Variants in DMD observed in about 807,000 individuals in gnomAD.
The protein encoded by DMD is mutant dystrophin.
Under a neutral mutation model 330.1 loss-of-function variants are expected in DMD, and 63 were observed. That is an observed-to-expected ratio of 0.19 (90% CI 0.16 to 0.24). DMD has a LOEUF of 0.24. Among genes scored for constraint, DMD ranks in the 10% least tolerant of loss-of-function variants. The pLI is 1.00. For missense variants in DMD, 3,344 were observed against 2,684.1 expected, an observed-to-expected ratio of 1.25 and a Z score of -5.43; for synonymous variants, 1,223 against 959.8, an observed-to-expected ratio of 1.27 and a Z score of -5.07.
chrX:31,551,824 T>G (rs1239348696), intron 55 of DMD, among the ~76,000 whole-genome samples: 1 of 112,191 alleles, frequency 8.9e-6, no homozygotes, highest in Non-Finnish European at 1.9e-5. Flanking sequence ...CTGTACTCAC[T>G]TGCATTTGCA....
intron 60 of DMD, among the ~76,000 whole-genome samples, chrX:31,363,630 G>A (rs1019999437): frequency 9.0e-6 from 1 of 111,086 alleles, no homozygotes; most frequent in Non-Finnish European, 1.9e-5. Context: ...CGCCCACCTC[G>A]GCCTCCCAAA....
chrX:32,522,570 G>A (rs1018382343), intron 17 of DMD, among the ~76,000 whole-genome samples: 3 of 111,627 alleles, frequency 2.7e-5, no homozygotes, highest in Non-Finnish European at 3.8e-5. Flanking sequence ...ACCTTCATTC[G>A]TAAAACCACT....
chrX:32,897,346 TA>T (rs1237808955), intron 2 of DMD, among the ~76,000 whole-genome samples: 1 of 110,595 alleles, frequency 9.0e-6, no homozygotes, highest in African/African-American at 3.3e-5. Context: ...AAAGGGGAAA[TA>T]TAAGGAGGAG....
intron 61 of DMD, among the ~76,000 whole-genome samples, chrX:31,344,674 C>T (rs1471719187): frequency 9.1e-6 from 1 of 110,267 alleles, no homozygotes; most frequent in Non-Finnish European, 1.9e-5. Context: ...CATAGTGAAA[C>T]CCCGTCTCTA....
At chrX:33,255,607 C>T (rs1231460236) in intron 1 of DMD, among the ~76,000 whole-genome samples, 1 of 110,784 alleles carries the variant, frequency 9.0e-6, no homozygotes, top group African/African-American at 3.3e-5. Flanking sequence ...GATTTTGATG[C>T]TTCAATAACT....
intron 7 of DMD, among the ~76,000 whole-genome samples, chrX:32,719,103 T>C (rs1416722748): frequency 8.9e-6 from 1 of 111,867 alleles, no homozygotes; most frequent in African/African-American, 3.2e-5. Context: ...TAACTGGACA[T>C]AGTTGGAAAT....
intron 2 of DMD, among the ~76,000 whole-genome samples, chrX:33,013,057 A>G (rs898974478): frequency 1.8e-5 from 2 of 110,756 alleles, no homozygotes; most frequent in Non-Finnish European, 3.8e-5. Flanking sequence ...CCTGCTTCTC[A>G]TAGGACTTAT....
rs181780101 is a variant in DMD at position 32,744,966 on chromosome X, C to T, written c.650-45673G>A. ...ATTATGAGTCAAATTTTCCAGACCA[C>T]TGTAGACACAATCTTACACTTCACT... On this transcript the variant is annotated intron_variant, in intron 7 of 78. Transcript: ENST00000357033. 1.2e-3 allele frequency among the ~76,000 whole-genome samples: 135 copies of T among 111,541 alleles called. 1 individual carries two copies. Among genetic ancestry groups the T allele is most frequent in the African/African-American group, 4.3e-3 (131 of 30,709 alleles).
chrX:32,079,012 A>G (rs1412018127), intron 44 of DMD, among the ~76,000 whole-genome samples: 1 of 111,747 alleles, frequency 8.9e-6, no homozygotes, highest in Non-Finnish European at 1.9e-5. Context: ...TTGTTTTGTC[A>G]TTTCTCTACA....
intron 11 of DMD, among the ~76,000 whole-genome samples, chrX:32,623,679 C>A (rs184202699): frequency 8.2e-5 from 9 of 109,868 alleles, no homozygotes; most frequent in African/African-American, 2.3e-4. Flanking sequence ...AGGTGCACCA[C>A]CTTCCCTGGC....
At chrX:31,192,951 G>A (rs779081353) in intron 67 of DMD, among the ~76,000 whole-genome samples, 3 of 111,564 alleles carry the variant, frequency 2.7e-5, no homozygotes, top group Non-Finnish European at 5.6e-5. Context: ...CGATAACATG[G>A]CTGCGAGAGC....
intron 49 of DMD, among the ~76,000 whole-genome samples, chrX:31,833,143 A>C (rs1273062600): frequency 1.8e-5 from 2 of 110,914 alleles, no homozygotes; most frequent in African/African-American, 6.6e-5. Flanking sequence ...TTATACCAAA[A>C]CTATAACTTT....
rs759304658 is a variant in DMD at position 32,834,724 on chromosome X, T to C, written c.264+10059A>G. On this transcript the variant is annotated intron_variant, in intron 4 of 78. Coordinates refer to ENST00000357033, the MANE Select transcript of DMD (RefSeq NM_004006.3). ...TTGGTAAAAACTTACCACCTTGTGA[T>C]AGACAATTGATGAGCTGGTACAATG... is the stretch of plus-strand genomic sequence containing the variant. 3.6e-5 allele frequency among the ~76,000 whole-genome samples: 4 copies of C among 112,086 alleles called. No individual in the cohort carries two copies. The South Asian group carries it at 1.5e-3, about 41-fold the overall frequency.
At chrX:31,420,578 G>T (rs190031976) in intron 60 of DMD, among the ~76,000 whole-genome samples, 1 of 112,169 alleles carries the variant, frequency 8.9e-6, no homozygotes, top group East Asian at 2.8e-4. Context: ...AAAGACATGC[G>T]TGAACAGGCA....
chrX:32,728,305 A>G lies in DMD; in HGVS notation c.650-29012T>C, dbSNP rs1324099226. Among the ~76,000 whole-genome samples, 11 of 112,212 alleles carry G rather than the reference A, an allele frequency of 9.8e-5. No individual in the cohort carries two copies. The Admixed American group carries it at 1.0e-3, about 11-fold the overall frequency. On this transcript the variant is annotated intron_variant, in intron 7 of 78. Transcript: ENST00000357033. The stretch of plus-strand genomic sequence containing the variant: ...CAGTATTACACGCATAAGTAAATGA[A>G]GTAGAGATTTAAACAAAAATACAAC...
chrX:31,854,732 TCA>T (rs1466204334), intron 48 of DMD, among the ~76,000 whole-genome samples: 1 of 111,816 alleles, frequency 8.9e-6, no homozygotes, highest in African/African-American at 3.3e-5. Context: ...ATCCTACGGC[TCA>T]GAACGGAACA....
At position 31,121,632 on chromosome X, in the gene DMD, T is replaced by G. The variant is rs979878788; in HGVS notation, c.*287A>C. The G allele has an allele frequency of 2.2e-5, 8 of 363,387 alleles. No individual in the cohort carries two copies. The highest frequency in any genetic ancestry group is 3.3e-5 in the Non-Finnish European group (7 of 210,819). The allele number at this position is 363,387 out of a possible 1,213,427, so 29.9% of individuals were successfully genotyped here. On this transcript the variant is annotated 3_prime_UTR_variant, in exon 79 of 79. Transcript: ENST00000357033. The stretch of plus-strand genomic sequence containing the variant: ...TTTTACATGTAGTTTTCTTATAACT[T>G]TTTTGTACAATTGCATAGACGTGTA...
At chrX:32,718,760 A>G (rs1408384541) in intron 7 of DMD, among the ~76,000 whole-genome samples, 2 of 112,186 alleles carry the variant, frequency 1.8e-5, no homozygotes, top group African/African-American at 6.5e-5. Flanking sequence ...TGTCACATAA[A>G]AACATCAATT....
At chrX:32,395,545 C>A (rs756521806) in intron 30 of DMD, among the ~76,000 whole-genome samples, 1 of 111,033 alleles carries the variant, frequency 9.0e-6, no homozygotes, top group East Asian at 2.8e-4. Context: ...ATGTTGTGCA[C>A]ACGTACCCTA....
Sources: gnomAD v4.1 joint callset for allele counts (sites outside exome capture counted in the v4.1 genomes callset) on GRCh38, gnomAD v4.1.1 for gene constraint, MANE v1.5 for transcripts, NCBI Gene and HGNC (gene_info 2026-07-23, HGNC 2026-07-21) for gene names.